The following FAM53A variants were observed in gnomAD, a reference collection of about 807,000 sequenced individuals.
The protein encoded by FAM53A is protein FAM53A.
In FAM53A, 28 loss-of-function variants were observed where a neutral mutation model predicts 26.6. The ratio of observed to expected loss-of-function variants is 1.05; its 90% CI spans 0.78 to 1.45. FAM53A has a LOEUF of 1.45. Ranked by LOEUF, FAM53A falls within the 40% of genes most tolerant of loss-of-function variation. The probability of loss-of-function intolerance (pLI) is 0.00; values close to 1 mark genes in which losing one functional copy is unlikely to be tolerated. For synonymous variants in FAM53A, 290 were observed against 253.1 expected (o/e 1.15, Z -1.38); for missense variants, 650 against 575.8 (o/e 1.13, Z -1.32).
At chr4:1,648,753 C>A (rs929290683) in intron 4 of FAM53A, among the ~76,000 whole-genome samples, 1 of 152,184 alleles carries the variant, frequency 6.6e-6, no homozygotes, top group African/African-American at 2.4e-5. Flanking sequence ...GAGGTTGAGT[C>A]CCAGGAGCAG....
chr4:1,638,420 G>A (rs1383188331), downstream of FAM53A, among the ~76,000 whole-genome samples: 1 of 152,292 alleles, frequency 6.6e-6, no homozygotes, highest in South Asian at 2.1e-4. Flanking sequence ...CTGCCCCACC[G>A]AGGGCCCCAC....
intron 4 of FAM53A, 85 bp from the exon 5 acceptor site, chr4:1,641,692 G>A: frequency 2.1e-6 from 3 of 1,407,382 alleles, no homozygotes; most frequent in Non-Finnish European, 3.0e-6. Context: ...AGGGCTCGGT[G>A]TGCTGGGGCT....
Position 1,684,271 on chromosome 4 carries a change from C to G in FAM53A, c.-203G>C, listed in dbSNP as rs1382288338. 6.6e-6 allele frequency: 1 copy of G among 151,156 alleles called. No individual in the cohort carries two copies. The highest frequency in any genetic ancestry group is 1.5e-5 in the Non-Finnish European group (1 of 67,532). 9.4% of individuals were successfully genotyped at this position (151,156 alleles called of 1,614,324 possible). A position where few individuals can be genotyped will look rare whatever the true frequency, so the allele number is the denominator to read the frequency against. ...CGGGGGTGCGGAGCGAGAAGACTGCCGGCCGCCCAGGCCCCGCTCGCTCAG... is the reference window on the plus strand; with the variant it reads ...CGGGGGTGCGGAGCGAGAAGACTGCGGGCCGCCCAGGCCCCGCTCGCTCAG... On this transcript the variant is annotated 5_prime_UTR_variant, in exon 1 of 5. Coordinates refer to ENST00000308132, the MANE Select transcript of FAM53A (RefSeq NM_001174070.3).
At chr4:1,669,246 A>G (rs1472127961) in intron 1 of FAM53A, among the ~76,000 whole-genome samples, 1 of 152,064 alleles carries the variant, frequency 6.6e-6, no homozygotes, top group African/African-American at 2.4e-5. Context: ...TGGAAAGCCA[A>G]TATCAAGCCA....
chr4:1,675,256 G>C (rs1714965858), intron 1 of FAM53A, among the ~76,000 whole-genome samples: 1 of 152,146 alleles, frequency 6.6e-6, no homozygotes, highest in Non-Finnish European at 1.5e-5. Context: ...CCACCAACAG[G>C]TGAGGAGTGG....
intron 1 of FAM53A, among the ~76,000 whole-genome samples, chr4:1,623,398 G>A (rs1316512597): frequency 6.6e-6 from 1 of 150,548 alleles, no homozygotes; most frequent in East Asian, 1.9e-4. Context: ...TGCGTTTCCG[G>A]CCCCCGAGGG....
chr4:1,594,762 G>C, the FAM53A span, among the ~76,000 whole-genome samples: 1 of 152,228 alleles, frequency 6.6e-6, no homozygotes, highest in African/African-American at 2.4e-5. Context: ...AGGATCACTT[G>C]AGTGTAGGAG....
the FAM53A span, among the ~76,000 whole-genome samples, chr4:1,603,916 G>C: frequency 6.6e-6 from 1 of 152,320 alleles, no homozygotes; most frequent in African/African-American, 2.4e-5. Flanking sequence ...GTCAGTTCTC[G>C]GGGCGACAGG....
downstream of FAM53A, among the ~76,000 whole-genome samples, chr4:1,613,330 C>T (rs1714697034): frequency 6.6e-6 from 1 of 152,206 alleles, no homozygotes; most frequent in Admixed American, 6.5e-5. Flanking sequence ...TCACCGGGTC[C>T]TCACCCTGTC....
chr4:1,681,439 G>A (rs798730), intron 1 of FAM53A, among the ~76,000 whole-genome samples: 128,392 of 151,828 alleles, frequency 0.85, 58,079 homozygotes, highest in Non-Finnish European at 1. Flanking sequence ...CACCACGCCC[G>A]GCTGAACTCG....
the FAM53A span, among the ~76,000 whole-genome samples, chr4:1,589,655 C>T: frequency 0.4 from 60,159 of 151,952 alleles, 12,288 homozygotes; most frequent in Admixed American, 0.45. Context: ...GTCAATTTGG[C>T]ACTTTATATT....
intron 1 of FAM53A, among the ~76,000 whole-genome samples, chr4:1,674,547 T>G (rs1714900831): frequency 6.6e-6 from 1 of 151,998 alleles, no homozygotes; most frequent in East Asian, 1.9e-4. Flanking sequence ...CACGTGCCTG[T>G]GGTCCCAGCT....
the FAM53A span, among the ~76,000 whole-genome samples, chr4:1,611,989 G>A: frequency 1.4e-4 from 22 of 152,154 alleles, no homozygotes; most frequent in Non-Finnish European, 2.9e-4. Context: ...ACTAAACTGC[G>A]GAATCGATGG....
intron 1 of FAM53A, among the ~76,000 whole-genome samples, chr4:1,622,851 G>C (rs1239007123): frequency 6.6e-6 from 1 of 152,212 alleles, no homozygotes; most frequent in South Asian, 2.1e-4. Context: ...CCTCTGCCTC[G>C]AGGGGCCCCT....
chr4:1,683,451 G>A (rs895609478), intron 1 of FAM53A: 5 of 152,212 alleles, frequency 3.3e-5, no homozygotes, highest in Non-Finnish European at 7.3e-5. Context: ...AGTGAGAAAG[G>A]GGAAAGAGTG....
At chr4:1,682,270 T>C (rs990268979) in intron 1 of FAM53A, among the ~76,000 whole-genome samples, 1 of 150,150 alleles carries the variant, frequency 6.7e-6, no homozygotes, top group Non-Finnish European at 1.5e-5. Context: ...TTTCCTTTTT[T>C]TTTTTTTTTT....
chr4:1,588,457 G>A, the FAM53A span, among the ~76,000 whole-genome samples: 4 of 152,138 alleles, frequency 2.6e-5, no homozygotes, highest in Admixed American at 2.6e-4. Flanking sequence ...GACATCAAAG[G>A]CCCTGTGGTG....
upstream of FAM53A, among the ~76,000 whole-genome samples, chr4:1,685,217 A>C (rs1715743045): frequency 6.6e-6 from 1 of 152,136 alleles, no homozygotes; most frequent in East Asian, 1.9e-4. Flanking sequence ...ATTTCAGACC[A>C]GATGATTTCT....
intron 2 of FAM53A, among the ~76,000 whole-genome samples, chr4:1,666,776 C>T (rs985108756): frequency 1.3e-5 from 2 of 152,256 alleles, no homozygotes; most frequent in East Asian, 1.9e-4. Flanking sequence ...CTGAGGTGGG[C>T]GGATCACTGA....
Sources: allele counts gnomAD v4.1 joint callset (sites outside exome capture counted in the v4.1 genomes callset), GRCh38; gene constraint gnomAD v4.1.1; transcripts MANE v1.5; gene names NCBI Gene and HGNC (gene_info 2026-07-23, HGNC 2026-07-21).